SCN2A: variants seen among roughly 807,000 people sequenced by gnomAD.
The protein encoded by SCN2A is sodium voltage-gated channel alpha subunit 2.
A neutral mutation model predicts 188.7 loss-of-function variants in SCN2A; 20 were observed. The ratio of observed to expected loss-of-function variants is 0.11; its 90% CI spans 0.07 to 0.15. The LOEUF is 0.15. SCN2A is among the 10% of genes least tolerant of loss of function. The pLI is 1.00. For missense variants in SCN2A, 1,278 were observed against 2,445.0 expected (o/e 0.52, Z 10.07); for synonymous variants, 804 against 833.1 (o/e 0.97, Z 0.60).
At chr2:165,383,729 T>A (rs994795422) in intron 25 of SCN2A, among the ~76,000 whole-genome samples, 4 of 152,180 alleles carry the variant, frequency 2.6e-5, no homozygotes, top group African/African-American at 9.6e-5. Flanking sequence ...TAAAAGTTTG[T>A]CTATTAATTG....
chr2:165,358,937 AT>A (rs1208016559), intron 17 of SCN2A, among the ~76,000 whole-genome samples: 4 of 152,114 alleles, frequency 2.6e-5, no homozygotes, highest in African/African-American at 9.7e-5. Context: ...ATGCACAAAT[AT>A]TTAACCAAAA....
intron 20 of SCN2A, chr2:165,372,492 T>C (rs1023133401): frequency 6.6e-6 from 1 of 152,114 alleles, no homozygotes; most frequent in Non-Finnish European, 1.5e-5. Context: ...TTTTTCTATA[T>C]GTTTTCAAGG....
rs544788871 is a variant in SCN2A at position 165,391,999 on chromosome 2, C to T, written c.*2175C>T. 21 of 152,604 alleles carry T rather than the reference C, an allele frequency of 1.4e-4. No individual in the cohort carries two copies. The highest frequency in any genetic ancestry group is 4.8e-4 in the African/African-American group (20 of 41,536). The allele number at this position is 152,604 out of a possible 1,614,324, so 9.5% of individuals were successfully genotyped here. A position where few individuals can be genotyped will look rare whatever the true frequency, so the allele number is the denominator to read the frequency against. ...TGCTGTTACCATAAAGAACGGTAAACCACATTACAATCAAGCCAAAAGAAT... is the reference window on the plus strand; with the variant it reads ...TGCTGTTACCATAAAGAACGGTAAATCACATTACAATCAAGCCAAAAGAAT... On this transcript the variant is annotated 3_prime_UTR_variant, in exon 27 of 27. Coordinates refer to ENST00000375437, the MANE Select transcript of SCN2A (RefSeq NM_001040142.2).
intron 1 of SCN2A, among the ~76,000 whole-genome samples, chr2:165,257,817 C>T (rs945304783): frequency 7.2e-5 from 11 of 152,118 alleles, no homozygotes; most frequent in African/African-American, 4.8e-5. Context: ...GGATAACAGG[C>T]GTGAGCCACC....
chr2:165,303,508 C>T (rs1322021585), intron 3 of SCN2A, among the ~76,000 whole-genome samples: 1 of 151,992 alleles, frequency 6.6e-6, no homozygotes, highest in Non-Finnish European at 1.5e-5. Context: ...ATCTCCTGAC[C>T]TCGTGATCCG....
chr2:165,248,351 T>C (rs1225374279), intron 1 of SCN2A, among the ~76,000 whole-genome samples: 2 of 152,112 alleles, frequency 1.3e-5, no homozygotes, highest in Non-Finnish European at 2.9e-5. Context: ...AGTTTTTCTT[T>C]CCCTCATTCA....
intron 1 of SCN2A, chr2:165,270,147 T>C (rs1486451790): frequency 6.6e-6 from 1 of 152,080 alleles, no homozygotes; most frequent in East Asian, 1.9e-4. Context: ...ATCCTAGCCT[T>C]CTTATTTCAA....
intron 1 of SCN2A, among the ~76,000 whole-genome samples, chr2:165,293,526 A>T (rs1031370430): frequency 6.6e-6 from 1 of 152,188 alleles, no homozygotes; most frequent in Non-Finnish European, 1.5e-5. Flanking sequence ...GTATTTGTGT[A>T]TCTAAACACG....
chr2:165,361,645 A>G (rs1050644669), intron 17 of SCN2A, among the ~76,000 whole-genome samples: 6 of 152,054 alleles, frequency 3.9e-5, no homozygotes, highest in Admixed American at 1.3e-4. Flanking sequence ...AAAGTATTCA[A>G]GTAACACATG....
chr2:165,315,439 A>T, intron 10 of SCN2A, 32 bp from the exon 11 acceptor site: 1 of 1,613,038 alleles, frequency 6.2e-7, no homozygotes. Context: ...TTAAGTTTAT[A>T]TGCAACTTCC....
intron 17 of SCN2A, among the ~76,000 whole-genome samples, chr2:165,364,352 G>A (rs1443485993): frequency 1.3e-5 from 2 of 152,056 alleles, no homozygotes; most frequent in Non-Finnish European, 2.9e-5. Context: ...GGACCGACCT[G>A]GCTAAAGTTT....
At chr2:165,276,430 A>G (rs557385213) in intron 1 of SCN2A, among the ~76,000 whole-genome samples, 239 of 152,342 alleles carry the variant, frequency 1.6e-3, no homozygotes, top group African/African-American at 5.5e-3. Context: ...ACATATTTTG[A>G]CATGTTTTGC....
chr2:165,314,253 G>A, intron 10 of SCN2A, 145 bp downstream of exon 10: 1 of 772,784 alleles, frequency 1.3e-6, no homozygotes, highest in Non-Finnish European at 2.1e-6. Flanking sequence ...TTATTAAGAA[G>A]TTATTACTTT....
At chr2:165,285,891 A>T (rs1574500879) in intron 1 of SCN2A, 1 of 215,868 alleles carries the variant, frequency 4.6e-6, no homozygotes, top group East Asian at 1.2e-4. Flanking sequence ...AGAGATTTCT[A>T]CTTCAGAAAG....
At chr2:165,367,896 G>T (rs1301354850) in intron 19 of SCN2A, among the ~76,000 whole-genome samples, 2 of 152,178 alleles carry the variant, frequency 1.3e-5, no homozygotes, top group Non-Finnish European at 2.9e-5. Context: ...GCGTCTAGGG[G>T]AGGGTGCCTG....
At chr2:165,298,313 A>AT (rs1696616116) in intron 3 of SCN2A, among the ~76,000 whole-genome samples, 1 of 152,316 alleles carries the variant, frequency 6.6e-6, no homozygotes, top group South Asian at 2.1e-4. Flanking sequence ...TAAGTAGGGA[A>AT]TTCAGGAAAT....
intron 1 of SCN2A, among the ~76,000 whole-genome samples, chr2:165,250,489 TCACACACACACACACA>T (rs3029614): frequency 2.0e-5 from 3 of 148,202 alleles, no homozygotes; most frequent in Non-Finnish European, 4.5e-5. Context: ...TTGCTCTATT[TCACACACACACACACA>T]CACACACACA....
At chr2:165,259,903 T>C (rs1434708223) in intron 1 of SCN2A, among the ~76,000 whole-genome samples, 1 of 151,858 alleles carries the variant, frequency 6.6e-6, no homozygotes, top group East Asian at 1.9e-4. Context: ...GGAATCATTA[T>C]GTATGGCACC....
chr2:165,342,318 C>A lies in SCN2A; in HGVS notation c.2411C>A (p.Ala804Glu). ...TAGGTCTTCACAGGGATCTTCACAG[C>A]AGAAATGTTTCTCAAGATAATTGCC... ...GNLVFTGIFTAEMFLKIIAMD... is the reference protein window; with the variant it reads ...GNLVFTGIFTEEMFLKIIAMD... The change falls in exon 15 of 27, where the codon GCA (alanine) becomes GAA (glutamate). Residue 804 changes from alanine to glutamate, a missense_variant. By Grantham distance (107) the Ala-to-Glu change is moderately radical. This residue lies in a region of SCN2A where 83 missense variants were observed against 256.8 expected (regional missense o/e 0.32). Transcript: ENST00000375437. The A allele has an allele frequency of 6.2e-7, 1 of 1,613,836 alleles. No individual in the cohort carries two copies. The highest frequency in any genetic ancestry group is 8.5e-7 in the Non-Finnish European group (1 of 1,179,852).
Sources: gnomAD v4.1 joint callset for allele counts (sites outside exome capture counted in the v4.1 genomes callset) on GRCh38, gnomAD v4.1.1 for gene constraint, gnomAD v4.1.1 regional missense constraint, MANE v1.5 for transcripts, NCBI Gene and HGNC (gene_info 2026-07-23, HGNC 2026-07-21) for gene names.